The following SLC1A2 variants were observed in gnomAD, a reference collection of about 807,000 sequenced individuals.
SLC1A2 encodes solute carrier family 1 member 2.
Under a neutral mutation model 48.8 loss-of-function variants are expected in SLC1A2, and 15 were observed. The ratio of observed to expected loss-of-function variants is 0.31; its 90% CI spans 0.21 to 0.47. The LOEUF (loss-of-function observed/expected upper bound fraction) is 0.47, where lower values mean the gene tolerates loss of function less well. SLC1A2 is among the 20% of genes least tolerant of loss of function. SLC1A2 has a pLI of 0.99. For synonymous variants in SLC1A2, 279 were observed against 272.6 expected, an observed-to-expected ratio of 1.02 and a Z score of -0.23; for missense variants, 502 against 730.5, an observed-to-expected ratio of 0.69 and a Z score of 3.61.
intron 1 of SLC1A2, among the ~76,000 whole-genome samples, chr11:35,413,313 T>C (rs1277361438): frequency 1.3e-5 from 2 of 152,204 alleles, no homozygotes; most frequent in Non-Finnish European, 2.9e-5. Context: ...ATGCTTGGTT[T>C]GAAAGCCTAG....
At chr11:35,350,584 G>A (rs1565266622) in intron 1 of SLC1A2, among the ~76,000 whole-genome samples, 2 of 152,214 alleles carry the variant, frequency 1.3e-5, no homozygotes, top group Admixed American at 1.3e-4. Flanking sequence ...CCTAGGTCCT[G>A]ACTTGAGCCA....
intron 4 of SLC1A2, 39 bp downstream of exon 4, chr11:35,312,159 G>C: frequency 1.2e-6 from 2 of 1,605,856 alleles, no homozygotes; most frequent in Non-Finnish European, 8.5e-7. Flanking sequence ...TGATAACTTA[G>C]AGGACTGGAG....
intron 1 of SLC1A2, among the ~76,000 whole-genome samples, chr11:35,416,861 T>C (rs771539586): frequency 2.0e-5 from 3 of 152,168 alleles, no homozygotes; most frequent in Non-Finnish European, 4.4e-5. Flanking sequence ...CGTGAACAAT[T>C]TACTAATAAA....
chr11:35,402,691 C>A (rs571646744), intron 1 of SLC1A2, among the ~76,000 whole-genome samples: 5 of 152,178 alleles, frequency 3.3e-5, no homozygotes, highest in African/African-American at 1.2e-4. Context: ...TGAAGGCAAC[C>A]TCATGGGACT....
rs187446541 is a variant in SLC1A2, at chr11:35,373,880, C to T, written c.17+45070G>A. On this transcript the variant is annotated intron_variant, in intron 1 of 10. Coordinates refer to ENST00000278379, the MANE Select transcript of SLC1A2 (RefSeq NM_004171.4). ...TATTAACTCTGAGCCAGGCACTTTGCTAAGTACTCCATGCAGATTACCTTA... is the reference window on the plus strand; with the variant it reads ...TATTAACTCTGAGCCAGGCACTTTGTTAAGTACTCCATGCAGATTACCTTA... Among the ~76,000 whole-genome samples, 3 of 152,332 alleles carry T rather than the reference C, an allele frequency of 2.0e-5. No homozygotes were observed. The East Asian group carries it at 5.8e-4, about 29-fold the overall frequency.
At chr11:35,337,108 G>A (rs911650225) in intron 1 of SLC1A2, among the ~76,000 whole-genome samples, 2 of 152,132 alleles carry the variant, frequency 1.3e-5, no homozygotes, top group South Asian at 4.1e-4. Flanking sequence ...AACTACTGCA[G>A]AGCTGCTGGT....
In SLC1A2 at chr11:35,296,793, C is replaced by T. The variant is rs575100903; in HGVS notation, c.858-4273G>A. On this transcript the variant is annotated intron_variant, in intron 6 of 10. Transcript: ENST00000278379. ...AAGGTCACCTTTCCAGACAGCACCA[C>T]GTGGGCCATCACTTCTACCCCCATC... Among the ~76,000 whole-genome samples the T allele has an allele frequency of 2.6e-5, 4 of 152,256 alleles. No individual in the cohort carries two copies. The South Asian group carries it at 6.2e-4, about 24-fold the overall frequency.
At chr11:35,297,605 A>G (rs2134774595) in intron 6 of SLC1A2, 1 of 152,222 alleles carries the variant, frequency 6.6e-6, no homozygotes, top group Non-Finnish European at 1.5e-5. Context: ...TAGGGGTGAG[A>G]TTATGAAACA....
At chr11:35,388,294 TGA>T (rs1454613885) in intron 1 of SLC1A2, among the ~76,000 whole-genome samples, 1 of 152,258 alleles carries the variant, frequency 6.6e-6, no homozygotes, top group Non-Finnish European at 1.5e-5. Context: ...GGAGGAAAAG[TGA>T]GTTTCATCAG....
At chr11:35,360,042 C>A in intron 1 of SLC1A2, 1 of 982,916 alleles carries the variant, frequency 1.0e-6, no homozygotes, top group Non-Finnish European at 1.2e-6. Flanking sequence ...AGATTTCTGA[C>A]CTGACCATTC....
chr11:35,280,495 A>T (rs113312740), intron 9 of SLC1A2: 6,567 of 171,496 alleles, frequency 0.038, 457 homozygotes, highest in African/African-American at 0.14. Context: ...TATGTGGTAC[A>T]TCGTCTTTTC....
At chr11:35,288,022 C>T (rs778155708) in intron 7 of SLC1A2, among the ~76,000 whole-genome samples, 4 of 152,194 alleles carry the variant, frequency 2.6e-5, no homozygotes, top group Non-Finnish European at 5.9e-5. Context: ...TTTCCTCCTT[C>T]TACTGGTCAG....
intron 1 of SLC1A2, among the ~76,000 whole-genome samples, chr11:35,361,436 T>C (rs951231179): frequency 3.3e-5 from 5 of 152,242 alleles, no homozygotes; most frequent in African/African-American, 1.2e-4. Flanking sequence ...AATAGTCTTC[T>C]ATATAAAGAT....
At chr11:35,320,969 G>A (rs1038155669) in intron 1 of SLC1A2, among the ~76,000 whole-genome samples, 1 of 152,176 alleles carries the variant, frequency 6.6e-6, no homozygotes, top group African/African-American at 2.4e-5. Context: ...AGACATACCC[G>A]AGACTGTGAA....
At chr11:35,278,606 T>C (rs1850522468) in intron 9 of SLC1A2, among the ~76,000 whole-genome samples, 1 of 152,150 alleles carries the variant, frequency 6.6e-6, no homozygotes, top group South Asian at 2.1e-4. Flanking sequence ...GCACATCTTA[T>C]GGAGAAGTCA....
intron 1 of SLC1A2, among the ~76,000 whole-genome samples, chr11:35,380,000 C>G (rs1162087423): frequency 6.6e-6 from 1 of 152,228 alleles, no homozygotes; most frequent in Non-Finnish European, 1.5e-5. Context: ...GGGTCAGGTT[C>G]ATTATGTTAA....
At chr11:35,355,132 G>A (rs1369022806) in intron 1 of SLC1A2, among the ~76,000 whole-genome samples, 1 of 152,114 alleles carries the variant, frequency 6.6e-6, no homozygotes, top group Non-Finnish European at 1.5e-5. Flanking sequence ...AAATTTGCTT[G>A]GTTTCAAAGA....
intron 1 of SLC1A2, among the ~76,000 whole-genome samples, chr11:35,393,157 G>C (rs1854834928): frequency 6.6e-6 from 1 of 152,120 alleles, no homozygotes; most frequent in South Asian, 2.1e-4. Flanking sequence ...GAAGGTTTGG[G>C]TCAGAGTGTG....
chr11:35,356,444 G>A (rs1853467754), intron 1 of SLC1A2, among the ~76,000 whole-genome samples: 1 of 152,194 alleles, frequency 6.6e-6, no homozygotes, highest in African/African-American at 2.4e-5. Context: ...AGTGCACTTG[G>A]TCAGGTGGCT....
Sources: gnomAD v4.1 joint callset for allele counts (sites outside exome capture counted in the v4.1 genomes callset) on GRCh38, gnomAD v4.1.1 for gene constraint, MANE v1.5 for transcripts, NCBI Gene and HGNC (gene_info 2026-07-23, HGNC 2026-07-21) for gene names.